Variants in ABLIM2 observed in about 807,000 individuals in gnomAD.
The protein encoded by ABLIM2 is actin binding LIM protein family member 2.
A neutral mutation model predicts 97.7 loss-of-function variants in ABLIM2; 53 were observed. The observed-to-expected ratio is 0.54, with a 90% CI of 0.44 to 0.68. ABLIM2 has a LOEUF of 0.68. Among genes scored for constraint, ABLIM2 ranks in the 30% least tolerant of loss-of-function variants. The pLI, the probability that ABLIM2 is intolerant of heterozygous loss-of-function variation, is 0.00. For missense variants in ABLIM2, 835 were observed against 867.2 expected, an observed-to-expected ratio of 0.96 and a Z score of 0.47; for synonymous variants, 361 against 345.8, an observed-to-expected ratio of 1.04 and a Z score of -0.49.
intron 16 of ABLIM2, among the ~76,000 whole-genome samples, chr4:8,000,543 T>G (rs1313014651): frequency 1.3e-5 from 2 of 152,236 alleles, no homozygotes; most frequent in East Asian, 3.9e-4. Context: ...GGGATTGAAT[T>G]GTGGGTGGAG....
At chr4:8,091,655 T>TAA (rs1382122334) in intron 3 of ABLIM2, among the ~76,000 whole-genome samples, 1 of 74,922 alleles carries the variant, frequency 1.3e-5, no homozygotes, top group Admixed American at 2.6e-4. Context: ...ATATATTATA[T>TAA]AATTATATAT....
At chr4:7,989,567 A>C (rs925318290) in intron 17 of ABLIM2, 1 of 369,624 alleles carries the variant, frequency 2.7e-6, no homozygotes, top group African/African-American at 2.2e-5. Context: ...AATTCCTTTT[A>C]ATCTTAACTT....
chr4:7,971,315 A>G (rs1044801808), intron 20 of ABLIM2, among the ~76,000 whole-genome samples: 20 of 152,268 alleles, frequency 1.3e-4, no homozygotes, highest in African/African-American at 4.8e-4. Flanking sequence ...CAGGTTCCTG[A>G]AGGCCCTGCA....
chr4:8,073,398 G>A (rs948662726), intron 6 of ABLIM2, among the ~76,000 whole-genome samples: 3 of 151,788 alleles, frequency 2.0e-5, no homozygotes, highest in Non-Finnish European at 4.4e-5. Context: ...GAAGGTCTGG[G>A]CTGTTCTTCG....
chr4:8,034,346 T>C (rs1782849886), intron 10 of ABLIM2, among the ~76,000 whole-genome samples: 1 of 143,950 alleles, frequency 6.9e-6, no homozygotes, highest in African/African-American at 2.6e-5. Context: ...TGGGTGCAGG[T>C]AGGTGGTTGC....
At position 8,085,944 on chromosome 4, in the gene ABLIM2, A is replaced by ACT. The variant is rs10665841; in HGVS notation, c.454+2224_454+2225insAG. Among the ~76,000 whole-genome samples, 150,551 of 152,222 alleles carry ACT rather than the reference A, an allele frequency of 0.99. 74,462 individuals carry two copies. Among genetic ancestry groups the ACT allele is most frequent in the Middle Eastern group, 1 (294 of 294 alleles). On this transcript the variant is annotated intron_variant, in intron 4 of 20. Transcript: ENST00000447017. This position sits in a 1 kb window ranked among gnomAD's most constrained non-coding sequence, Gnocchi z 6.1. The stretch of plus-strand genomic sequence containing the variant: ...TCGGCACTTCCGCCCCCTGATGGAC[A>ACT]GAGCACCCAGCACACCCACCCCTGC...
At chr4:8,036,125 G>A (rs1297624671) in intron 10 of ABLIM2, 24 bp downstream of exon 10, 2 of 1,612,348 alleles carry the variant, frequency 1.2e-6, no homozygotes. Context: ...CAGGTGTCCA[G>A]GGCCATGTGG....
intron 1 of ABLIM2, among the ~76,000 whole-genome samples, chr4:8,117,304 T>C (rs1029235185): frequency 6.6e-6 from 1 of 152,154 alleles, no homozygotes; most frequent in Admixed American, 6.5e-5. Flanking sequence ...CAGCTACCCA[T>C]TTCCAAAGAA....
intron 12 of ABLIM2, among the ~76,000 whole-genome samples, chr4:8,025,760 A>G (rs549644374): frequency 6.6e-6 from 1 of 152,076 alleles, no homozygotes; most frequent in South Asian, 2.1e-4. Context: ...TCAGGGACTC[A>G]CAGTTGGGAC....
chr4:8,021,969 G>A lies in ABLIM2; in HGVS notation c.1268-1666C>T, dbSNP rs538186472. Among the ~76,000 whole-genome samples the A allele has an allele frequency of 1.2e-4, 19 of 152,278 alleles. No individual in the cohort carries two copies. Among genetic ancestry groups the A allele is most frequent in the Admixed American group, 8.5e-4 (13 of 15,304 alleles). ...TTGCTGGTCAGGTCACGCTCGTCAG[G>A]ATGCTCCACGGTGGACTCCTGCACC... On this transcript the variant is annotated intron_variant, in intron 12 of 20. Coordinates refer to ENST00000447017, the MANE Select transcript of ABLIM2 (RefSeq NM_001130083.2). This position sits in a 1 kb window ranked among gnomAD's most constrained non-coding sequence, Gnocchi z 5.5.
chr4:8,110,352 G>T (rs941400515), intron 1 of ABLIM2, among the ~76,000 whole-genome samples: 1 of 152,202 alleles, frequency 6.6e-6, no homozygotes, highest in East Asian at 1.9e-4. Flanking sequence ...GGGACAGCGC[G>T]GGTGGTGGGG....
In ABLIM2 at chr4:8,046,763, G is replaced by C. The variant is rs1792712847; in HGVS notation, c.823-1522C>G. Reference sequence around the variant, plus strand: ...AGAATGTGGCTGTATTTGGAGACAGGGTTTTTAAAAGGTCACTAGGATGGG... The same window carrying C: ...AGAATGTGGCTGTATTTGGAGACAGCGTTTTTAAAAGGTCACTAGGATGGG... On this transcript the variant is annotated intron_variant, in intron 8 of 20. Transcript: ENST00000447017. This position sits in a 1 kb window ranked among gnomAD's most constrained non-coding sequence, Gnocchi z 4.4. Among the ~76,000 whole-genome samples the C allele has an allele frequency of 1.3e-5, 2 of 152,164 alleles. No individual in the cohort carries two copies. The highest frequency in any genetic ancestry group is 6.5e-5 in the Admixed American group (1 of 15,278).
At chr4:8,006,928 G>C in intron 16 of ABLIM2, 2 of 730,380 alleles carry the variant, frequency 2.7e-6, no homozygotes, top group Non-Finnish European at 3.3e-6. Context: ...CTGAATGCTG[G>C]GATCCTGGTA....
At chr4:8,106,152 C>A (rs980781879) in intron 2 of ABLIM2, among the ~76,000 whole-genome samples, 3 of 152,190 alleles carry the variant, frequency 2.0e-5, no homozygotes, top group Non-Finnish European at 2.9e-5. Context: ...TGCGGCTGAC[C>A]ATGACCGTTT....
rs1370632603 is a variant in ABLIM2 at position 8,061,673 on chromosome 4, C to T, written c.676-619G>A. On this transcript the variant is annotated intron_variant, in intron 6 of 20. Transcript: ENST00000447017. This position sits in a 1 kb window ranked among gnomAD's most constrained non-coding sequence, Gnocchi z 4.5. ...TGGAGCAAAAAAAAAAAAAATCACC[C>T]CGAAATGCTCCCTTTACCCCCACGT... is the stretch of plus-strand genomic sequence containing the variant. 6.6e-6 allele frequency among the ~76,000 whole-genome samples: 1 copy of T among 151,854 alleles called. No individual in the cohort carries two copies. The highest frequency in any genetic ancestry group is 6.6e-5 in the Admixed American group (1 of 15,256).
At chr4:8,076,811 G>A (rs1816338096) in intron 6 of ABLIM2, among the ~76,000 whole-genome samples, 1 of 110,126 alleles carries the variant, frequency 9.1e-6, no homozygotes, top group African/African-American at 3.6e-5. Flanking sequence ...TGGGCTGCAG[G>A]GTGGGGGGTC....
chr4:8,150,908 G>A lies in ABLIM2; in HGVS notation c.10+7772C>T, dbSNP rs577606628. 2.0e-5 allele frequency among the ~76,000 whole-genome samples: 3 copies of A among 152,206 alleles called. No homozygotes were observed. The highest frequency in any genetic ancestry group is 2.1e-4 in the South Asian group (1 of 4,818). ...CTGATGATGCCAAAGCGGCTCCCAC[G>A]GGGCACGACGTCAGGTTTGTCCCTG... On this transcript the variant is annotated intron_variant, in intron 1 of 20. Coordinates refer to ENST00000447017, the MANE Select transcript of ABLIM2 (RefSeq NM_001130083.2). This position sits in a 1 kb window ranked among gnomAD's most constrained non-coding sequence, Gnocchi z 6.3.
At chr4:8,029,925 C>G in intron 10 of ABLIM2, 149 bp from the exon 11 acceptor site, 4 of 1,130,640 alleles carry the variant, frequency 3.5e-6, no homozygotes, top group Non-Finnish European at 4.9e-6. Context: ...CTGCACCTGT[C>G]AGGGCAGGTC....
In ABLIM2 at chr4:8,044,694, A is replaced by C. The variant is rs56044657; in HGVS notation, c.900+470T>G. On this transcript the variant is annotated intron_variant, in intron 9 of 20. Coordinates refer to ENST00000447017, the MANE Select transcript of ABLIM2 (RefSeq NM_001130083.2). The surrounding 1 kb of genome is among the most constrained non-coding windows in gnomAD (Gnocchi z 4.4). ...GTCTCTCTCTCTCTCTCTCTCTCGA[A>C]CGAACGAAAACGGGATCACATAATT... Among the ~76,000 whole-genome samples, 2 of 149,628 alleles carry C rather than the reference A, an allele frequency of 1.3e-5. No individual in the cohort carries two copies. The highest frequency in any genetic ancestry group is 1.5e-5 in the Non-Finnish European group (1 of 67,430).
Sources: allele counts gnomAD v4.1 joint callset (sites outside exome capture counted in the v4.1 genomes callset), GRCh38; gene constraint gnomAD v4.1.1; non-coding constraint Gnocchi (gnomAD v3.1); transcripts MANE v1.5; gene names NCBI Gene and HGNC (gene_info 2026-07-23, HGNC 2026-07-21).